MOV10L1: variants seen among roughly 807,000 people sequenced by gnomAD.
The protein encoded by MOV10L1 is Mov10 like RNA helicase 1.
MOV10L1 carries 110 observed loss-of-function variants against 143.8 expected under a neutral mutation model. The ratio of observed to expected loss-of-function variants is 0.76; its 90% confidence interval spans 0.66 to 0.90. The LOEUF (loss-of-function observed/expected upper bound fraction) is 0.90. MOV10L1 is among the 40% of genes least tolerant of loss of function. The pLI is 0.00. For missense variants in MOV10L1, 1,406 were observed against 1,526.8 expected, an observed-to-expected ratio of 0.92 and a Z score of 1.32; for synonymous variants, 593 against 581.1, an observed-to-expected ratio of 1.02 and a Z score of -0.29.
chr22:50,113,560 C>A, intron 5 of MOV10L1, 88 bp from the exon 6 acceptor site: 1 of 1,528,536 alleles, frequency 6.5e-7, no homozygotes, highest in East Asian at 2.3e-5. Flanking sequence ...TGAGTGCCCC[C>A]ACCAGCAGTC....
intron 13 of MOV10L1, among the ~76,000 whole-genome samples, chr22:50,129,470 G>T (rs1040571994): frequency 3.3e-5 from 5 of 152,334 alleles, no homozygotes; most frequent in Admixed American, 2.6e-4. Flanking sequence ...CCGTGTTGTT[G>T]TAACTGCTGT....
Position 50,160,779 on chromosome 22 carries a change from C to T in MOV10L1, c.3416C>T (p.Pro1139Leu). The T allele has an allele frequency of 6.2e-7, 1 of 1,613,858 alleles. No homozygotes were observed. Among genetic ancestry groups the T allele is most frequent in the South Asian group, 1.1e-5 (1 of 91,034 alleles). Residue 1139 changes from proline (P) to leucine (L), a missense_variant, in exon 25 of 27, where the codon CCC becomes CTC. Around this residue, in one of 3 missense-constraint regions of MOV10L1, gnomAD observed 1,233 missense variants for 1,351.4 expected, o/e 0.91. Coordinates refer to ENST00000262794, the MANE Select transcript of MOV10L1 (RefSeq NM_018995.3). Reference sequence around the variant, plus strand: ...AGATTTAATGTTGCAATCACCAGACCCAAAGCTTTGCTGATAGTGCTGGGA... The same window carrying T: ...AGATTTAATGTTGCAATCACCAGACTCAAAGCTTTGCTGATAGTGCTGGGA... ...SKRFNVAITR[P>L]KALLIVLGNP...
At position 50,158,048 on chromosome 22, in the gene MOV10L1, T is replaced by A; in HGVS notation, c.3067-9T>A. ...AAGTAAAGTAGGTTTTCTCTCCTCA[T>A]CAACCCAGGGCAGCGAGGCACGGGA... On this transcript the variant is annotated splice_polypyrimidine_tract_variant and intron_variant, in intron 22 of 26. Transcript: ENST00000262794. The surrounding 1 kb of genome is among the most constrained non-coding windows in gnomAD (Gnocchi z 5.0). 1.2e-6 allele frequency: 2 copies of A among 1,609,448 alleles called. No homozygotes were observed. Among genetic ancestry groups the A allele is most frequent in the South Asian group, 1.1e-5 (1 of 90,728 alleles).
Position 50,126,227 on chromosome 22 carries a change from A to G in MOV10L1, c.1773A>G (p.Gln591=). 1.2e-6 allele frequency: 2 copies of G among 1,611,776 alleles called. No homozygotes were observed. Among genetic ancestry groups the G allele is most frequent in the Admixed American group, 1.7e-5 (1 of 60,000 alleles). Residue 591 remains glutamine (Q), a synonymous_variant, in exon 12 of 27, where the codon CAA becomes CAG. Coordinates refer to ENST00000262794, the MANE Select transcript of MOV10L1 (RefSeq NM_018995.3). ...GTGATAAACTGATTTTAAAAACTCA[A>G]GAGTACAATGGACATGCCATCGAAT... ...YAGDKLILKT[Q]EYNGHAIEYI... is the part of the protein sequence containing the mutation.
At chr22:50,105,192 AT>A (rs1296969468) in intron 3 of MOV10L1, among the ~76,000 whole-genome samples, 2 of 152,092 alleles carry the variant, frequency 1.3e-5, no homozygotes, top group Non-Finnish European at 2.9e-5. Flanking sequence ...ACAATTCTGT[AT>A]TTTTTTCTAT....
intron 2 of MOV10L1, 49 bp downstream of exon 2, chr22:50,092,234 T>C (rs1320373631): frequency 2.3e-5 from 36 of 1,541,610 alleles, no homozygotes; most frequent in Non-Finnish European, 3.2e-5. Flanking sequence ...CACGGGACTT[T>C]GTGTTGTTTT....
intron 4 of MOV10L1, 130 bp from the exon 5 acceptor site, chr22:50,108,527 G>C: frequency 1.0e-6 from 1 of 962,766 alleles, no homozygotes. Flanking sequence ...CTGGACCAGT[G>C]CTACGGGATG....
intron 13 of MOV10L1, among the ~76,000 whole-genome samples, chr22:50,131,707 C>T (rs2062682700): frequency 6.8e-6 from 1 of 146,082 alleles, no homozygotes. Context: ...CAATGAATTA[C>T]TATTGTACCT....
chr22:50,130,535 A>C (rs2147258276), intron 13 of MOV10L1, among the ~76,000 whole-genome samples: 1 of 152,142 alleles, frequency 6.6e-6, no homozygotes, highest in South Asian at 2.1e-4. Context: ...ATGGAGAGAG[A>C]GCGAGAGAAA....
intron 26 of MOV10L1, 55 bp downstream of exon 26, chr22:50,161,110 G>A (rs2063549540): frequency 1.3e-6 from 2 of 1,552,446 alleles, no homozygotes; most frequent in Non-Finnish European, 1.8e-6. Flanking sequence ...ACGTGCTCTA[G>A]CCTGCCCTCC....
chr22:50,090,105 C>T lies in MOV10L1; in HGVS notation c.17C>T (p.Ala6Val). The change falls in exon 1 of 27, where the codon GCC becomes GTC. Residue 6 changes from alanine (A) to valine (V), a missense_variant. Physicochemically the swap from Ala to Val is moderately conservative, Grantham distance 64. Coordinates refer to ENST00000262794, the MANE Select transcript of MOV10L1 (RefSeq NM_018995.3). MLSLA[A>V]KLVAFFWRTA... ...GCGAGGGCCATGCTGAGCCTCGCAG[C>T]CAAGCTGGTGGCCTTCTTCTGGAGG... is the stretch of plus-strand genomic sequence containing the variant. 5.2e-6 allele frequency: 7 copies of T among 1,358,376 alleles called. No individual in the cohort carries two copies. The South Asian group carries it at 9.6e-5, about 19-fold the overall frequency. The allele number at this position is 1,358,376 out of a possible 1,614,324, so 84.1% of individuals were successfully genotyped here.
At chr22:50,098,839 A>G (rs1180497842) in intron 2 of MOV10L1, among the ~76,000 whole-genome samples, 2 of 152,020 alleles carry the variant, frequency 1.3e-5, no homozygotes, top group African/African-American at 4.8e-5. Context: ...TGTTGAAGAG[A>G]TTTCCTGCGA....
At chr22:50,092,274 C>T (rs994499643) in intron 2 of MOV10L1, 89 bp downstream of exon 2, 45 of 1,203,662 alleles carry the variant, frequency 3.7e-5, no homozygotes, top group South Asian at 7.2e-5. Flanking sequence ...AGACATGACC[C>T]GGCCAAGGGA....
chr22:50,119,805 C>G (rs2062287522), intron 9 of MOV10L1, among the ~76,000 whole-genome samples: 1 of 151,728 alleles, frequency 6.6e-6, no homozygotes, highest in South Asian at 2.1e-4. Context: ...GGGCTTCTCT[C>G]TTGGGTGAGA....
At chr22:50,144,594 T>G (rs201505542) in intron 18 of MOV10L1, among the ~76,000 whole-genome samples, 17,355 of 152,142 alleles carry the variant, frequency 0.11, 1,181 homozygotes, top group East Asian at 0.28. Context: ...TTTGTTTTTT[T>G]TTTTTGAGAC....
At chr22:50,129,569 C>T (rs1353181955) in intron 13 of MOV10L1, among the ~76,000 whole-genome samples, 1 of 152,130 alleles carries the variant, frequency 6.6e-6, no homozygotes, top group Non-Finnish European at 1.5e-5. Flanking sequence ...GCTGCTGTTC[C>T]TAGAGCTGCT....
chr22:50,092,212 GT>G, intron 2 of MOV10L1, 27 bp downstream of exon 2: 1 of 1,596,780 alleles, frequency 6.3e-7, no homozygotes, highest in Non-Finnish European at 8.6e-7. Flanking sequence ...TTTGGGAACA[GT>G]TTTTCTTCGC....
At chr22:50,139,173 T>C (rs2062913522) in intron 15 of MOV10L1, among the ~76,000 whole-genome samples, 1 of 152,100 alleles carries the variant, frequency 6.6e-6, no homozygotes, top group South Asian at 2.1e-4. Flanking sequence ...GGTCTGTAAA[T>C]GCAGGGCACG....
chr22:50,146,418 G>C (rs193121007), intron 19 of MOV10L1, among the ~76,000 whole-genome samples: 1 of 152,132 alleles, frequency 6.6e-6, no homozygotes, highest in East Asian at 1.9e-4. Context: ...GAAGAGCTTC[G>C]AGCCCAGGGA....
Sources: gnomAD v4.1 joint callset for allele counts (sites outside exome capture counted in the v4.1 genomes callset) on GRCh38, gnomAD v4.1.1 for gene constraint, gnomAD v4.1.1 regional missense constraint, Gnocchi (gnomAD v3.1) non-coding constraint, MANE v1.5 for transcripts, NCBI Gene and HGNC (gene_info 2026-07-23, HGNC 2026-07-21) for gene names.